Variants in KIRREL3 observed in about 807,000 individuals in gnomAD.
KIRREL3 encodes kirre like nephrin family adhesion molecule 3.
Under a neutral mutation model 89.7 loss-of-function variants are expected in KIRREL3, and 36 were observed. The observed-to-expected ratio is 0.40, with a 90% CI of 0.31 to 0.53. The LOEUF (loss-of-function observed/expected upper bound fraction) is 0.53, where lower values mean the gene tolerates loss of function less well. KIRREL3 is among the 20% of genes least tolerant of loss of function. The pLI is 0.49. For synonymous variants in KIRREL3, 445 were observed against 441.4 expected (o/e 1.01, Z -0.10); for missense variants, 864 against 1,056.6 (o/e 0.82, Z 2.53).
At chr11:126,816,347 T>G (rs1283316773) in intron 1 of KIRREL3, among the ~76,000 whole-genome samples, 1 of 152,220 alleles carries the variant, frequency 6.6e-6, no homozygotes, top group Non-Finnish European at 1.5e-5. Flanking sequence ...AGGGGAAGAC[T>G]TCTTTCCGAG....
intron 1 of KIRREL3, among the ~76,000 whole-genome samples, chr11:126,650,263 G>A (rs532643440): frequency 7.2e-5 from 11 of 152,306 alleles, no homozygotes; most frequent in African/African-American, 1.9e-4. Flanking sequence ...CATCATCGTG[G>A]GGATTAACAT....
In KIRREL3 at chr11:126,666,709, G is replaced by GAAAA. The variant is rs1945680693; in HGVS notation, c.56-103798_56-103797insTTTT. Among the ~76,000 whole-genome samples, 1 of 152,124 alleles carries GAAAA rather than the reference G, an allele frequency of 6.6e-6. No individual in the cohort carries two copies. The highest frequency in any genetic ancestry group is 2.4e-5 in the African/African-American group (1 of 41,406). On this transcript the variant is annotated intron_variant, in intron 1 of 16. Coordinates refer to ENST00000525144, the MANE Select transcript of KIRREL3 (RefSeq NM_032531.4). The surrounding 1 kb of genome is among the most constrained non-coding windows in gnomAD (Gnocchi z 4.2). ...AAACAGAGCTCTCTTTTTCTCTCTG[G>GAAAA]TGAGGTTTTTGCTTTTCCCATTTTT...
chr11:126,468,798 C>A (rs1229585709), intron 5 of KIRREL3, among the ~76,000 whole-genome samples: 1 of 152,198 alleles, frequency 6.6e-6, no homozygotes, highest in Non-Finnish European at 1.5e-5. Context: ...ACTCTGCAAC[C>A]CTAACAGACA....
rs1370622774 is a variant in KIRREL3, at chr11:126,783,238, T to C, written c.55+217217A>G. Among the ~76,000 whole-genome samples, 1 of 152,186 alleles carries C rather than the reference T, an allele frequency of 6.6e-6. No individual in the cohort carries two copies. The highest frequency in any genetic ancestry group is 1.5e-5 in the Non-Finnish European group (1 of 68,022). The stretch of plus-strand genomic sequence containing the variant: ...TTGGTATTCCTTGGCATTCCTTGGC[T>C]TGTAGATGTGTCCCTACAATCTCTG... On this transcript the variant is annotated intron_variant, in intron 1 of 16. Coordinates refer to ENST00000525144, the MANE Select transcript of KIRREL3 (RefSeq NM_032531.4). The surrounding 1 kb of genome is among the most constrained non-coding windows in gnomAD (Gnocchi z 4.3).
rs868477724 is a variant in KIRREL3, at chr11:126,772,332, C to T, written c.56-209420G>A. The stretch of plus-strand genomic sequence containing the variant: ...CTCTTAAATTCAAGGCAGCTAAGAC[C>T]GGTTCAGGGACAGAGAACAGCAAGT... On this transcript the variant is annotated intron_variant, in intron 1 of 16. Coordinates refer to ENST00000525144, the MANE Select transcript of KIRREL3 (RefSeq NM_032531.4). The surrounding 1 kb of genome is among the most constrained non-coding windows in gnomAD (Gnocchi z 4.6). Among the ~76,000 whole-genome samples the T allele has an allele frequency of 8.7e-4, 132 of 152,136 alleles. 12 individuals carry two copies. Among genetic ancestry groups the T allele is most frequent in the South Asian group, 6.2e-4 (3 of 4,822 alleles).
Position 126,501,055 on chromosome 11 carries a change from G to A in KIRREL3, c.433+20260C>T, listed in dbSNP as rs777510285. On this transcript the variant is annotated intron_variant, in intron 4 of 16. Transcript: ENST00000525144. The surrounding 1 kb of genome is among the most constrained non-coding windows in gnomAD (Gnocchi z 5.8). ...GAGACATCTCCGTGTAGCTTTCCTG[G>A]CTCTGCCTCTCCCAGCCTCCTCCTC... Among the ~76,000 whole-genome samples, 5 of 152,174 alleles carry A rather than the reference G, an allele frequency of 3.3e-5. No individual in the cohort carries two copies. The highest frequency in any genetic ancestry group is 7.3e-5 in the Non-Finnish European group (5 of 68,034).
In KIRREL3 at chr11:126,516,252, G is replaced by A. The variant is rs927456332; in HGVS notation, c.433+5063C>T. Reference sequence around the variant, plus strand: ...TGATTTAGGAAGCTTTATTTCTAACGGGAGCCACAAGACAGCAGAGTTAAT... The same window carrying A: ...TGATTTAGGAAGCTTTATTTCTAACAGGAGCCACAAGACAGCAGAGTTAAT... On this transcript the variant is annotated intron_variant, in intron 4 of 16. Transcript: ENST00000525144. This position sits in a 1 kb window ranked among gnomAD's most constrained non-coding sequence, Gnocchi z 4.9. Among the ~76,000 whole-genome samples, 9 of 152,058 alleles carry A rather than the reference G, an allele frequency of 5.9e-5. No homozygotes were observed. Among genetic ancestry groups the A allele is most frequent in the African/African-American group, 1.9e-4 (8 of 41,388 alleles).
intron 1 of KIRREL3, among the ~76,000 whole-genome samples, chr11:126,675,632 C>A (rs1946154693): frequency 3.3e-5 from 5 of 152,162 alleles, no homozygotes; most frequent in Admixed American, 3.3e-4. Flanking sequence ...ACTGTCGTTG[C>A]CACTCCCAAG....
At chr11:126,659,829 G>A (rs780684666) in intron 1 of KIRREL3, among the ~76,000 whole-genome samples, 10 of 152,188 alleles carry the variant, frequency 6.6e-5, no homozygotes, top group African/African-American at 1.4e-4. Flanking sequence ...AATCAAGCTC[G>A]TGGGTGATTC....
In KIRREL3 at chr11:126,959,637, C is replaced by T. The variant is rs78248305; in HGVS notation, c.55+40818G>A. 9.2e-4 allele frequency among the ~76,000 whole-genome samples: 140 copies of T among 152,302 alleles called. 3 individuals carry two copies. In the East Asian group the frequency reaches 0.021, roughly 22 times the overall value. ...ATATTCAGCCATCATCTCGGTATTC[C>T]TCCTTAGATATCTCAATGTTCTCCC... On this transcript the variant is annotated intron_variant, in intron 1 of 16. Coordinates refer to ENST00000525144, the MANE Select transcript of KIRREL3 (RefSeq NM_032531.4).
chr11:126,551,096 A>G lies in KIRREL3; in HGVS notation c.133+11739T>C, dbSNP rs1434503433. ...CTATGTTTACAGTTTATTCTAAAGG[A>G]TATTACAAAGAATACAGATGAAGAG... On this transcript the variant is annotated intron_variant, in intron 2 of 16. Transcript: ENST00000525144. The surrounding 1 kb of genome is among the most constrained non-coding windows in gnomAD (Gnocchi z 4.9). Among the ~76,000 whole-genome samples the G allele has an allele frequency of 6.6e-6, 1 of 152,200 alleles. No homozygotes were observed. The highest frequency in any genetic ancestry group is 1.5e-5 in the Non-Finnish European group (1 of 68,036).
chr11:126,590,996 C>A (rs987383896), intron 1 of KIRREL3, among the ~76,000 whole-genome samples: 3 of 152,212 alleles, frequency 2.0e-5, no homozygotes, highest in African/African-American at 7.2e-5. Context: ...GCCGCTGAGG[C>A]GGGCAGATCA....
intron 1 of KIRREL3, among the ~76,000 whole-genome samples, chr11:126,673,968 G>C (rs1450996817): frequency 6.6e-6 from 1 of 152,170 alleles, no homozygotes; most frequent in Non-Finnish European, 1.5e-5. Context: ...GCTACTTCTG[G>C]TCATAGCTCT....
At position 126,740,925 on chromosome 11, in the gene KIRREL3, T is replaced by G. The variant is rs1452327998; in HGVS notation, c.56-178013A>C. Reference sequence around the variant, plus strand: ...CCCCATGGTAGAGTGAGTGACAAGGTTCTTGGAAATATCATCAGATAGTGC... The same window carrying G: ...CCCCATGGTAGAGTGAGTGACAAGGGTCTTGGAAATATCATCAGATAGTGC... On this transcript the variant is annotated intron_variant, in intron 1 of 16. Transcript: ENST00000525144. This position sits in a 1 kb window ranked among gnomAD's most constrained non-coding sequence, Gnocchi z 6.0. 6.6e-6 allele frequency among the ~76,000 whole-genome samples: 1 copy of G among 151,978 alleles called. No individual in the cohort carries two copies. The highest frequency in any genetic ancestry group is 2.4e-5 in the African/African-American group (1 of 41,358).
intron 7 of KIRREL3, among the ~76,000 whole-genome samples, chr11:126,449,750 T>C (rs533710282): frequency 6.6e-6 from 1 of 152,232 alleles, no homozygotes; most frequent in African/African-American, 2.4e-5. Flanking sequence ...CGTGAGCGAG[T>C]AGCCCTGGCT....
Position 126,489,540 on chromosome 11 carries a change from G to C in KIRREL3, c.434-16074C>G, listed in dbSNP as rs934214234. On this transcript the variant is annotated intron_variant, in intron 4 of 16. Coordinates refer to ENST00000525144, the MANE Select transcript of KIRREL3 (RefSeq NM_032531.4). The surrounding 1 kb of genome is among the most constrained non-coding windows in gnomAD (Gnocchi z 5.5). ...CATCTTGGATTCCTGGGTCAATTTT[G>C]GGAGATGCTGAGATCTGTAGTCCAT... 6.6e-6 allele frequency among the ~76,000 whole-genome samples: 1 copy of C among 152,122 alleles called. No individual in the cohort carries two copies. The highest frequency in any genetic ancestry group is 1.5e-5 in the Non-Finnish European group (1 of 68,018).
intron 4 of KIRREL3, among the ~76,000 whole-genome samples, chr11:126,499,378 T>G (rs1256935760): frequency 2.0e-5 from 3 of 152,202 alleles, no homozygotes; most frequent in Non-Finnish European, 4.4e-5. Flanking sequence ...ACTTACTTTC[T>G]GTTAACAGGA....
At chr11:126,738,442 C>T (rs1281050251) in intron 1 of KIRREL3, among the ~76,000 whole-genome samples, 1 of 152,130 alleles carries the variant, frequency 6.6e-6, no homozygotes, top group Admixed American at 6.5e-5. Context: ...GTGGACTTCA[C>T]TTGAGTCCTC....
rs188452527 is a variant in KIRREL3, at chr11:126,764,043, A to G, written c.56-201131T>C. On this transcript the variant is annotated intron_variant, in intron 1 of 16. Transcript: ENST00000525144. This position sits in a 1 kb window ranked among gnomAD's most constrained non-coding sequence, Gnocchi z 4.2. ...TAGAGGGCAAGGAAAGGTGGGTTAT[A>G]CAGATGCCCAGTGATATTTCAGAAG... is the stretch of plus-strand genomic sequence containing the variant. 7.2e-5 allele frequency among the ~76,000 whole-genome samples: 11 copies of G among 152,292 alleles called. No individual in the cohort carries two copies. In the East Asian group the frequency reaches 9.7e-4, roughly 13 times the overall value.
Sources: allele counts gnomAD v4.1 joint callset (sites outside exome capture counted in the v4.1 genomes callset), GRCh38; gene constraint gnomAD v4.1.1; non-coding constraint Gnocchi (gnomAD v3.1); transcripts MANE v1.5; gene names NCBI Gene and HGNC (gene_info 2026-07-23, HGNC 2026-07-21).